SPAG16: variants seen among roughly 807,000 people sequenced by gnomAD.
The protein encoded by SPAG16 is sperm associated antigen 16, also known as sperm-associated antigen 16 protein.
SPAG16 carries 86 observed loss-of-function variants against 80.4 expected under a neutral mutation model. That is an observed-to-expected ratio of 1.07 (90% CI 0.90 to 1.28). SPAG16 has a LOEUF of 1.28. SPAG16 is among the 50% of genes most tolerant of loss of function. The pLI is 0.00. For missense variants in SPAG16, 870 were observed against 765.3 expected, an observed-to-expected ratio of 1.14 and a Z score of -1.61; for synonymous variants, 294 against 265.9, an observed-to-expected ratio of 1.11 and a Z score of -1.03.
chr2:213,586,168 A>G (rs570807009), intron 10 of SPAG16, among the ~76,000 whole-genome samples: 10 of 152,330 alleles, frequency 6.6e-5, no homozygotes, highest in Non-Finnish European at 1.3e-4. Context: ...GAAATAAAAC[A>G]TTACCTTTTC....
chr2:213,648,595 G>GACACACAC (rs10538676), intron 10 of SPAG16, among the ~76,000 whole-genome samples: 1 of 149,468 alleles, frequency 6.7e-6, no homozygotes. Context: ...GGCACACACA[G>GACACACAC]ACACACACAC....
chr2:213,985,845 T>C (rs912751771), intron 12 of SPAG16, among the ~76,000 whole-genome samples: 1 of 152,068 alleles, frequency 6.6e-6, no homozygotes, highest in African/African-American at 2.4e-5. Flanking sequence ...CATATCTTCA[T>C]GAACTCAGAG....
At chr2:213,627,321 C>A (rs915266765) in intron 10 of SPAG16, among the ~76,000 whole-genome samples, 2 of 152,176 alleles carry the variant, frequency 1.3e-5, no homozygotes, top group African/African-American at 4.8e-5. Context: ...GACTCAGTGT[C>A]TTCAAAGTTA....
At chr2:213,464,672 C>T (rs1369031620) in intron 9 of SPAG16, among the ~76,000 whole-genome samples, 1 of 152,172 alleles carries the variant, frequency 6.6e-6, no homozygotes, top group African/African-American at 2.4e-5. Context: ...CTTTGGGCTC[C>T]AGCGGGGAGA....
At chr2:213,722,009 C>T (rs1295150071) in intron 10 of SPAG16, among the ~76,000 whole-genome samples, 1 of 152,102 alleles carries the variant, frequency 6.6e-6, no homozygotes, top group East Asian at 1.9e-4. Context: ...TCTTTCTAAA[C>T]ATAATTGACA....
chr2:213,470,590 C>T (rs1359233414), intron 9 of SPAG16, among the ~76,000 whole-genome samples: 1 of 152,170 alleles, frequency 6.6e-6, no homozygotes, highest in Non-Finnish European at 1.5e-5. Flanking sequence ...CTGCTGCTGG[C>T]AAATTGGGCA....
chr2:213,738,027 T>A (rs2067373039), intron 10 of SPAG16, among the ~76,000 whole-genome samples: 1 of 152,220 alleles, frequency 6.6e-6, no homozygotes, highest in South Asian at 2.1e-4. Flanking sequence ...TAAATTTTTC[T>A]CTTTCTAAAC....
At chr2:213,536,964 C>T (rs1185719518) in intron 10 of SPAG16, among the ~76,000 whole-genome samples, 2 of 151,846 alleles carry the variant, frequency 1.3e-5, no homozygotes, top group Admixed American at 6.6e-5. Context: ...ACATATACAC[C>T]ATGGAATACT....
intron 10 of SPAG16, among the ~76,000 whole-genome samples, chr2:213,518,985 G>C (rs920880841): frequency 2.6e-5 from 4 of 152,156 alleles, no homozygotes; most frequent in Non-Finnish European, 5.9e-5. Context: ...AAAGCAAATA[G>C]CACATGTTCT....
At chr2:213,949,178 T>TG (rs1182399257) in intron 12 of SPAG16, among the ~76,000 whole-genome samples, 372 of 19,090 alleles carry the variant, frequency 0.019, 5 homozygotes, top group African/African-American at 0.034. Context: ...AGTTTTTTTT[T>TG]TTTTTTTTTT....
chr2:213,940,444 A>G (rs1296555584), intron 12 of SPAG16, among the ~76,000 whole-genome samples: 1 of 152,012 alleles, frequency 6.6e-6, no homozygotes, highest in Non-Finnish European at 1.5e-5. Context: ...GCACAACTAC[A>G]TCTGGATAAT....
chr2:213,900,643 T>C (rs1345821045), intron 11 of SPAG16, among the ~76,000 whole-genome samples: 1 of 152,170 alleles, frequency 6.6e-6, no homozygotes, highest in African/African-American at 2.4e-5. Flanking sequence ...GACTATTGCT[T>C]ATCTATTTAG....
intron 3 of SPAG16, among the ~76,000 whole-genome samples, chr2:213,298,562 AAG>A (rs1050735695): frequency 5.3e-5 from 8 of 152,218 alleles, no homozygotes; most frequent in Admixed American, 2.0e-4. Context: ...GCAGTTAAAT[AAG>A]AGAATGGATA....
intron 13 of SPAG16, among the ~76,000 whole-genome samples, chr2:214,061,794 T>A (rs189163199): frequency 4.1e-4 from 62 of 152,204 alleles, no homozygotes; most frequent in Non-Finnish European, 7.4e-4. Flanking sequence ...GCTTCAGTAG[T>A]GAGGAGTAAG....
chr2:214,402,983 A>G (rs1701796713), intron 15 of SPAG16, among the ~76,000 whole-genome samples: 2 of 151,628 alleles, frequency 1.3e-5, no homozygotes, highest in African/African-American at 4.8e-5. Flanking sequence ...ACATCTCTCC[A>G]TCATGTTGTG....
chr2:213,479,929 T>G (rs1363142447), intron 9 of SPAG16, among the ~76,000 whole-genome samples: 1 of 151,988 alleles, frequency 6.6e-6, no homozygotes, highest in African/African-American at 2.4e-5. Flanking sequence ...GTGTTAAACA[T>G]GTAGAATATA....
intron 10 of SPAG16, among the ~76,000 whole-genome samples, chr2:213,542,811 C>T (rs1575905689): frequency 6.6e-6 from 1 of 151,948 alleles, no homozygotes; most frequent in East Asian, 1.9e-4. Flanking sequence ...TCTTGTTTTA[C>T]TTGAATTGTG....
At chr2:214,310,566 T>G (rs1285319522) in intron 15 of SPAG16, among the ~76,000 whole-genome samples, 2 of 152,164 alleles carry the variant, frequency 1.3e-5, no homozygotes, top group African/African-American at 4.8e-5. Context: ...TGAGATGATG[T>G]GTGGAAGCAC....
At chr2:213,412,803 TG>T (rs2069053044) in intron 9 of SPAG16, among the ~76,000 whole-genome samples, 1 of 152,054 alleles carries the variant, frequency 6.6e-6, no homozygotes, top group South Asian at 2.1e-4. Flanking sequence ...GAGAATATAA[TG>T]ATAAGAGATA....
Sources: allele counts gnomAD v4.1 joint callset (sites outside exome capture counted in the v4.1 genomes callset), GRCh38; gene constraint gnomAD v4.1.1; transcripts MANE v1.5; gene names NCBI Gene and HGNC (gene_info 2026-07-23, HGNC 2026-07-21).